The following ADAM10 variants were observed in gnomAD, a reference collection of about 807,000 sequenced individuals.
ADAM10 encodes ADAM metallopeptidase domain 10.
ADAM10 carries 17 observed loss-of-function variants against 90.1 expected under a neutral mutation model. That is an observed-to-expected ratio of 0.19 (90% CI 0.13 to 0.28). The LOEUF (loss-of-function observed/expected upper bound fraction) is 0.28. ADAM10 is among the 10% of genes least tolerant of loss of function. ADAM10 has a pLI of 1.00. For synonymous variants in ADAM10, 310 were observed against 298.6 expected (o/e 1.04, Z -0.40); for missense variants, 610 against 914.3 (o/e 0.67, Z 4.29).
chr15:58,655,698 A>ATACTATATATAG (rs1896797403), intron 5 of ADAM10, among the ~76,000 whole-genome samples: 1 of 44,032 alleles, frequency 2.3e-5, no homozygotes, highest in Non-Finnish European at 3.3e-5. Context: ...TATATATAGT[A>ATACTATATATAG]TATATATATA....
chr15:58,649,446 TCATCTA>T (rs200282832), intron 5 of ADAM10, among the ~76,000 whole-genome samples: 1,761 of 152,262 alleles, frequency 0.012, 22 homozygotes, highest in Non-Finnish European at 0.016. Flanking sequence ...ATTCAATACT[TCATCTA>T]CAAGTTAGCA....
At chr15:58,653,470 A>C (rs751362053) in intron 5 of ADAM10, among the ~76,000 whole-genome samples, 14 of 152,160 alleles carry the variant, frequency 9.2e-5, no homozygotes, top group Non-Finnish European at 1.8e-4. Flanking sequence ...ATCAATTGAA[A>C]TTATCGTATA....
rs151017836 is a variant in ADAM10 at position 58,597,594 on chromosome 15, G to A, written c.2200C>T (p.Arg734Cys). The A allele has an allele frequency of 1.8e-5, 29 of 1,614,128 alleles. No individual in the cohort carries two copies. The highest frequency in any genetic ancestry group is 6.7e-5 in the Admixed American group (4 of 60,020). ...TGATAACTCTCTCGGGGCCGCTGAC[G>A]CTGGGGTTGCTGAATGGGCTGTGGA... ...RPPQPIQQPQ[R>C]QRPRESYQMG... Residue 734 changes from arginine (R) to cysteine (C), a missense_variant, in exon 16 of 16, where the codon CGT becomes TGT. Arg to Cys is a radical substitution (Grantham distance 180, BLOSUM62 -3). Transcript: ENST00000260408.
intron 10 of ADAM10, among the ~76,000 whole-genome samples, chr15:58,622,947 T>C (rs1486628704): frequency 6.6e-6 from 1 of 152,238 alleles, no homozygotes; most frequent in Non-Finnish European, 1.5e-5. Context: ...ACACAGACTA[T>C]ATCTAGGGTT....
At chr15:58,679,916 A>T (rs1286164297) in intron 3 of ADAM10, among the ~76,000 whole-genome samples, 1 of 152,122 alleles carries the variant, frequency 6.6e-6, no homozygotes, top group African/African-American at 2.4e-5. Flanking sequence ...CTCAAAACAA[A>T]ACAAAACAAT....
chr15:58,656,231 T>C (rs555793628), intron 5 of ADAM10, among the ~76,000 whole-genome samples: 228 of 152,330 alleles, frequency 1.5e-3, no homozygotes, highest in African/African-American at 4.9e-3. Context: ...TTGTATGCAA[T>C]AGATCATTGG....
At chr15:58,709,752 A>C (rs1392107557) in intron 2 of ADAM10, among the ~76,000 whole-genome samples, 1 of 152,074 alleles carries the variant, frequency 6.6e-6, no homozygotes, top group Non-Finnish European at 1.5e-5. Flanking sequence ...AAAATAAATA[A>C]AAAATAAAAA....
intron 9 of ADAM10, among the ~76,000 whole-genome samples, chr15:58,629,619 A>G (rs1896044621): frequency 6.6e-6 from 1 of 152,234 alleles, no homozygotes; most frequent in African/African-American, 2.4e-5. Context: ...TCTAACTATA[A>G]GAAAGAAAAT....
In ADAM10 at chr15:58,611,815, A is replaced by G; in HGVS notation, c.1688T>C (p.Ile563Thr). 1 of 1,614,128 alleles carries G rather than the reference A, an allele frequency of 6.2e-7. No individual in the cohort carries two copies. The highest frequency in any genetic ancestry group is 8.5e-7 in the Non-Finnish European group (1 of 1,180,002). ...ATATAGTTAAATGCTTACCCCATTA[A>G]TGCACACTTGTGTATGCCTATTACA... ...TDCNRHTQVC[I>T]NGQCAGSICE... Residue 563 changes from isoleucine (I) to threonine (T), a missense_variant, in exon 12 of 16, where the codon ATT (isoleucine) becomes ACT (threonine). By Grantham distance (89) the Ile-to-Thr change is moderately conservative (BLOSUM62 -1). Around this residue, in one of 4 missense-constraint regions of ADAM10, gnomAD observed 150 missense variants for 268.5 expected, o/e 0.56. Transcript: ENST00000260408.
chr15:58,696,542 C>A (rs915466237), intron 2 of ADAM10, among the ~76,000 whole-genome samples: 5 of 151,366 alleles, frequency 3.3e-5, no homozygotes, highest in Admixed American at 6.6e-5. Flanking sequence ...CTCGGCTCAC[C>A]GCAACCTCCG....
chr15:58,689,952 CAAAAAA>C (rs1555418399), intron 2 of ADAM10, among the ~76,000 whole-genome samples: 1 of 108,900 alleles, frequency 9.2e-6, no homozygotes, highest in Non-Finnish European at 1.9e-5. Flanking sequence ...AGACCCCCCC[CAAAAAA>C]AAAAAAAAAA....
At chr15:58,635,443 C>G (rs1451491143) in intron 8 of ADAM10, among the ~76,000 whole-genome samples, 2 of 151,956 alleles carry the variant, frequency 1.3e-5, no homozygotes, top group South Asian at 2.1e-4. Flanking sequence ...TTTAACCCAG[C>G]AAGGGGTTGA....
At chr15:58,662,366 G>A (rs573295962) in intron 5 of ADAM10, among the ~76,000 whole-genome samples, 24 of 152,198 alleles carry the variant, frequency 1.6e-4, no homozygotes, top group African/African-American at 4.8e-4. Flanking sequence ...AGGGTCTCGC[G>A]CTGCTGCCCG....
chr15:58,687,454 T>C (rs1374453346), intron 2 of ADAM10, among the ~76,000 whole-genome samples: 2 of 152,170 alleles, frequency 1.3e-5, no homozygotes, highest in South Asian at 4.1e-4. Flanking sequence ...ATTCTTAACT[T>C]CACAAGGGTT....
At chr15:58,702,996 C>T (rs1413771277) in intron 2 of ADAM10, among the ~76,000 whole-genome samples, 6 of 152,122 alleles carry the variant, frequency 3.9e-5, no homozygotes, top group African/African-American at 1.4e-4. Flanking sequence ...TTTAATTCTA[C>T]TACAATCTGT....
In ADAM10 at chr15:58,594,205, T is replaced by C. The variant is rs1236716623; in HGVS notation, c.*3342A>G. ...TTGGGAAACCTTGACCCTTTAAATA[T>C]GGATAATGAATATCTCTTCTTGTAC... On this transcript the variant is annotated 3_prime_UTR_variant, in exon 16 of 16. Coordinates refer to ENST00000260408, the MANE Select transcript of ADAM10 (RefSeq NM_001110.4). 6.6e-6 allele frequency: 1 copy of C among 152,208 alleles called. No individual in the cohort carries two copies. The highest frequency in any genetic ancestry group is 1.5e-5 in the Non-Finnish European group (1 of 68,038). The allele number at this position is 152,208 out of a possible 1,614,324, so 9.4% of individuals were successfully genotyped here. A position where few individuals can be genotyped will look rare whatever the true frequency, so the allele number is the denominator to read the frequency against.
rs969659384 is a variant in ADAM10, at chr15:58,595,681, C to T, written c.*1866G>A. The T allele has an allele frequency of 6.6e-6, 1 of 152,002 alleles. No individual in the cohort carries two copies. Among genetic ancestry groups the T allele is most frequent in the Admixed American group, 6.6e-5 (1 of 15,260 alleles). The allele number at this position is 152,002 out of a possible 1,614,324, so 9.4% of individuals were successfully genotyped here. A position where few individuals can be genotyped will look rare whatever the true frequency, so the allele number is the denominator to read the frequency against. ...AAATAAAATAGGGCAGTGTGTGTACCTGCCAAAATCCTACCACAGGATAAC... is the reference window on the plus strand; with the variant it reads ...AAATAAAATAGGGCAGTGTGTGTACTTGCCAAAATCCTACCACAGGATAAC... On this transcript the variant is annotated 3_prime_UTR_variant, in exon 16 of 16. Transcript: ENST00000260408.
chr15:58,699,553 G>GT (rs1192046281), intron 2 of ADAM10, among the ~76,000 whole-genome samples: 2 of 17,498 alleles, frequency 1.1e-4, no homozygotes, highest in African/African-American at 4.5e-4. Flanking sequence ...GAGGCCAGGA[G>GT]TTTGAGACCA....
chr15:58,667,147 G>C (rs752876488), intron 4 of ADAM10, among the ~76,000 whole-genome samples: 6 of 152,132 alleles, frequency 3.9e-5, no homozygotes, highest in Non-Finnish European at 8.8e-5. Flanking sequence ...CACAAACAAT[G>C]AGTCATGGGT....
Sources: gnomAD v4.1 joint callset for allele counts (sites outside exome capture counted in the v4.1 genomes callset) on GRCh38, gnomAD v4.1.1 for gene constraint, gnomAD v4.1.1 regional missense constraint, MANE v1.5 for transcripts, NCBI Gene and HGNC (gene_info 2026-07-23, HGNC 2026-07-21) for gene names.